Variants in ZCCHC4 observed in about 807,000 individuals in gnomAD.
ZCCHC4 encodes the protein rRNA N(6)-adenosine-methyltransferase ZCCHC4.
ZCCHC4 carries 54 observed loss-of-function variants against 67.7 expected under a neutral mutation model. The observed-to-expected ratio is 0.80, with a 90% CI of 0.64 to 1.00. The LOEUF (loss-of-function observed/expected upper bound fraction) is 1.00, where lower values mean the gene tolerates loss of function less well. ZCCHC4 is among the 50% of genes least tolerant of loss of function. ZCCHC4 has a pLI of 0.00. For missense variants in ZCCHC4, 609 were observed against 617.0 expected (o/e 0.99, Z 0.14); for synonymous variants, 198 against 213.5 (o/e 0.93, Z 0.63).
chr4:25,346,391 C>A (rs1720021594), intron 6 of ZCCHC4, among the ~76,000 whole-genome samples: 1 of 152,140 alleles, frequency 6.6e-6, no homozygotes, highest in African/African-American at 2.4e-5. Context: ...ACCAAGTAAT[C>A]ACGCTGGCCA....
chr4:25,339,866 A>G (rs1422912998), intron 5 of ZCCHC4, among the ~76,000 whole-genome samples: 1 of 149,744 alleles, frequency 6.7e-6, no homozygotes, highest in Non-Finnish European at 1.5e-5. Context: ...TCTTTAATCT[A>G]TTTTGAGATT....
At chr4:25,365,465 A>G in intron 12 of ZCCHC4, 11 of 1,093,626 alleles carry the variant, frequency 1.0e-5, no homozygotes, top group Non-Finnish European at 1.2e-5. Flanking sequence ...AGGGGGTGAC[A>G]GTTCATGCTT....
At chr4:25,336,650 C>T (rs1027298686) in intron 5 of ZCCHC4, among the ~76,000 whole-genome samples, 5 of 152,132 alleles carry the variant, frequency 3.3e-5, no homozygotes, top group African/African-American at 1.2e-4. Context: ...CCATGTGCAG[C>T]TAATTTTTGT....
intron 8 of ZCCHC4, among the ~76,000 whole-genome samples, chr4:25,353,027 G>A (rs566610231): frequency 3.8e-4 from 58 of 152,074 alleles, no homozygotes; most frequent in Non-Finnish European, 5.7e-4. Flanking sequence ...AATCGTAGAA[G>A]ACAATTTTGA....
At chr4:25,341,606 C>G (rs1253324451) in intron 5 of ZCCHC4, among the ~76,000 whole-genome samples, 2 of 152,198 alleles carry the variant, frequency 1.3e-5, no homozygotes, top group Admixed American at 1.3e-4. Context: ...AAATAAACCT[C>G]TTTTCTTTAT....
At chr4:25,345,755 G>C (rs1719979042) in intron 6 of ZCCHC4, 135 bp downstream of exon 6, 1 of 627,224 alleles carries the variant, frequency 1.6e-6, no homozygotes, top group African/African-American at 1.9e-5. Context: ...ATTTATTTTT[G>C]TTCTTTCACT....
intron 12 of ZCCHC4, among the ~76,000 whole-genome samples, chr4:25,367,783 T>C (rs964160585): frequency 4.6e-5 from 7 of 152,190 alleles, no homozygotes; most frequent in Admixed American, 6.5e-5. Context: ...TTCTGCATAA[T>C]AGTCATGTGG....
At chr4:25,314,684 T>C (rs911927162) in intron 2 of ZCCHC4, among the ~76,000 whole-genome samples, 1 of 152,146 alleles carries the variant, frequency 6.6e-6, no homozygotes, top group Admixed American at 6.5e-5. Context: ...CCTCTTGACG[T>C]AATTACCTCT....
chr4:25,329,762 T>A (rs973368189), intron 3 of ZCCHC4, among the ~76,000 whole-genome samples: 1 of 152,012 alleles, frequency 6.6e-6, no homozygotes, highest in Non-Finnish European at 1.5e-5. Context: ...CTCGATCTCT[T>A]GACCTCATGA....
chr4:25,315,770 G>A (rs1221606066), intron 3 of ZCCHC4, among the ~76,000 whole-genome samples: 1 of 150,720 alleles, frequency 6.6e-6, no homozygotes, highest in African/African-American at 2.5e-5. Flanking sequence ...CTGAAGTGCA[G>A]TGGTGCTGTC....
At chr4:25,351,359 G>T (rs939316627) in intron 7 of ZCCHC4, among the ~76,000 whole-genome samples, 1 of 152,090 alleles carries the variant, frequency 6.6e-6, no homozygotes, top group Non-Finnish European at 1.5e-5. Flanking sequence ...ACATATAAGG[G>T]TTACTTTTAC....
intron 3 of ZCCHC4, among the ~76,000 whole-genome samples, chr4:25,322,864 A>G (rs1220114193): frequency 1.3e-5 from 2 of 152,162 alleles, no homozygotes; most frequent in Admixed American, 1.3e-4. Flanking sequence ...CCTGAATTGT[A>G]TCTCAGTTTA....
At chr4:25,357,189 A>G (rs1405313231) in intron 8 of ZCCHC4, among the ~76,000 whole-genome samples, 3 of 152,252 alleles carry the variant, frequency 2.0e-5, no homozygotes, top group Admixed American at 6.5e-5. Flanking sequence ...ACCTTCAGTT[A>G]TAGAATAGCT....
intron 3 of ZCCHC4, among the ~76,000 whole-genome samples, chr4:25,327,175 T>C (rs1303192577): frequency 6.6e-6 from 1 of 152,240 alleles, no homozygotes; most frequent in Non-Finnish European, 1.5e-5. Flanking sequence ...TTATGTCTTT[T>C]GTTTTTTTAT....
intron 8 of ZCCHC4, among the ~76,000 whole-genome samples, chr4:25,357,129 T>C (rs538481817): frequency 6.6e-6 from 1 of 152,350 alleles, no homozygotes; most frequent in African/African-American, 2.4e-5. Context: ...GTCCTAGTTC[T>C]ATTCTCTGAA....
At chr4:25,335,901 G>A (rs1327367001) in intron 5 of ZCCHC4, among the ~76,000 whole-genome samples, 1 of 152,122 alleles carries the variant, frequency 6.6e-6, no homozygotes. Flanking sequence ...GTCTGGCCTG[G>A]TAACCACTCA....
In ZCCHC4 at chr4:25,369,339, C is replaced by G. The variant is rs1721061192; in HGVS notation, c.*175C>G. 1.3e-6 allele frequency: 1 copy of G among 779,494 alleles called. No homozygotes were observed. The highest frequency in any genetic ancestry group is 2.0e-6 in the Non-Finnish European group (1 of 503,724). 48.3% of individuals were successfully genotyped at this position (779,494 alleles called of 1,614,324 possible). A position where few individuals can be genotyped will look rare whatever the true frequency, so the allele number is the denominator to read the frequency against. The stretch of plus-strand genomic sequence containing the variant: ...AGTCCCTTATCTGCCTCTCTGGAGA[C>G]ATGGGGAGTTGTTCCATCTTCAGCC... On this transcript the variant is annotated 3_prime_UTR_variant, in exon 13 of 13. Transcript: ENST00000302874.
rs776975597 is a variant in ZCCHC4, at chr4:25,312,840, G to T, written c.31G>T (p.Val11Leu). Reference sequence around the variant, plus strand: ...GGCCTCCAGGAATGGGTTTGAAGCCGTGGAGGCAGAGGGCAGCGCAGGGTG... The same window carrying T: ...GGCCTCCAGGAATGGGTTTGAAGCCTTGGAGGCAGAGGGCAGCGCAGGGTG... Reference protein sequence around the residue: MAASRNGFEAVEAEGSAGCRG... With the variant: MAASRNGFEALEAEGSAGCRG... The change falls in exon 1 of 13, where the codon GTG becomes TTG. Residue 11 changes from valine to leucine, a missense_variant. By Grantham distance (32) the Val-to-Leu change is conservative (BLOSUM62 1). Coordinates refer to ENST00000302874, the MANE Select transcript of ZCCHC4 (RefSeq NM_024936.3). 1.9e-5 allele frequency: 30 copies of T among 1,613,202 alleles called. No homozygotes were observed. Among genetic ancestry groups the T allele is most frequent in the African/African-American group, 4.0e-5 (3 of 74,908 alleles).
intron 3 of ZCCHC4, among the ~76,000 whole-genome samples, chr4:25,327,386 C>T (rs906032271): frequency 7.9e-5 from 11 of 139,038 alleles, no homozygotes; most frequent in African/African-American, 2.7e-4. Flanking sequence ...ATCTCCCTCC[C>T]TCCCTCCCTC....
Sources: allele counts gnomAD v4.1 joint callset (sites outside exome capture counted in the v4.1 genomes callset), GRCh38; gene constraint gnomAD v4.1.1; transcripts MANE v1.5; gene names NCBI Gene and HGNC (gene_info 2026-07-23, HGNC 2026-07-21).